Variants in BCR observed in about 807,000 individuals in gnomAD.
The protein encoded by BCR is breakpoint cluster region protein.
BCR carries 58 observed loss-of-function variants against 138.6 expected under a neutral mutation model. The ratio of observed to expected loss-of-function variants is 0.42; its 90% CI spans 0.34 to 0.52. BCR has a LOEUF of 0.52. BCR is among the 20% of genes least tolerant of loss of function. BCR has a pLI of 0.06. For missense variants in BCR, 1,599 were observed against 1,727.2 expected, an observed-to-expected ratio of 0.93 and a Z score of 1.32; for synonymous variants, 786 against 730.1, an observed-to-expected ratio of 1.08 and a Z score of -1.23.
intron 19 of BCR, chr22:23,312,052 C>A: frequency 2.2e-6 from 2 of 926,244 alleles, no homozygotes; most frequent in Non-Finnish European, 1.5e-6. Flanking sequence ...ATGCCACTTG[C>A]TGGGGTAGGC....
chr22:23,186,023 C>A (rs2072338874), intron 1 of BCR, among the ~76,000 whole-genome samples: 1 of 151,984 alleles, frequency 6.6e-6, no homozygotes, highest in Admixed American at 6.5e-5. Context: ...GCCACCCGCG[C>A]AAGGCGGATA....
chr22:23,239,630 T>C (rs527956184), intron 1 of BCR, among the ~76,000 whole-genome samples: 1 of 152,336 alleles, frequency 6.6e-6, no homozygotes, highest in Admixed American at 6.5e-5. Flanking sequence ...TAGTATGTTA[T>C]GGCTGCGTAA....
intron 1 of BCR, among the ~76,000 whole-genome samples, chr22:23,211,299 A>G (rs1400208486): frequency 1.3e-5 from 2 of 149,032 alleles, no homozygotes; most frequent in African/African-American, 2.5e-5. Flanking sequence ...CCGGGTTCAC[A>G]CCATTCTCCT....
chr22:23,253,677 G>C, intron 1 of BCR, 122 bp from the exon 2 acceptor site: 1 of 1,166,868 alleles, frequency 8.6e-7, no homozygotes, highest in Non-Finnish European at 1.2e-6. Context: ...CAGCATACCC[G>C]AGGTCGTTGT....
intron 2 of BCR, among the ~76,000 whole-genome samples, 200 bp downstream of exon 2, chr22:23,254,180 G>A (rs112376118): frequency 1.3e-4 from 20 of 152,130 alleles, no homozygotes; most frequent in African/African-American, 4.6e-4. Flanking sequence ...GAGATCGGGG[G>A]ATGCTTTGAA....
intron 4 of BCR, chr22:23,265,118 C>T (rs1472432641): frequency 6.6e-6 from 1 of 152,182 alleles, no homozygotes; most frequent in Non-Finnish European, 1.5e-5. Context: ...CGAAATCACT[C>T]AGAGACTTTT....
At chr22:23,236,114 G>A (rs1009364315) in intron 1 of BCR, among the ~76,000 whole-genome samples, 5 of 152,212 alleles carry the variant, frequency 3.3e-5, no homozygotes, top group South Asian at 4.1e-4. Context: ...GGCCTGGCTT[G>A]TTAACCCAGC....
chr22:23,263,163 G>A, intron 4 of BCR: 1 of 773,794 alleles, frequency 1.3e-6, no homozygotes, highest in South Asian at 1.8e-5. Context: ...GGAGGAGGAG[G>A]AGGAGGCGGC....
At chr22:23,251,873 A>G (rs906141248) in intron 1 of BCR, among the ~76,000 whole-genome samples, 2 of 152,138 alleles carry the variant, frequency 1.3e-5, no homozygotes, top group Non-Finnish European at 2.9e-5. Flanking sequence ...GGGCCAGAAG[A>G]TCCTTGTGGG....
At chr22:23,236,777 G>A (rs1165605578) in intron 1 of BCR, among the ~76,000 whole-genome samples, 1 of 152,246 alleles carries the variant, frequency 6.6e-6, no homozygotes, top group African/African-American at 2.4e-5. Flanking sequence ...GTAACTTTAG[G>A]CAGTCAGCTG....
chr22:23,306,830 G>T (rs1395367195), intron 16 of BCR: 1 of 152,518 alleles, frequency 6.6e-6, no homozygotes, highest in African/African-American at 2.4e-5. Flanking sequence ...GGCCTCCTTT[G>T]GTACTTCCAC....
rs908462871 is a variant in BCR at position 23,208,865 on chromosome 22, A to C, written c.1279+26626A>C. On this transcript the variant is annotated intron_variant, in intron 1 of 22. Coordinates refer to ENST00000305877, the MANE Select transcript of BCR (RefSeq NM_004327.4). ...GCGAGACTCCGTCTAAAAACAAACC[A>C]AAAAAAGCTTCTGGACTCATTAAAT... Among the ~76,000 whole-genome samples the C allele has an allele frequency of 3.3e-5, 5 of 151,998 alleles. No individual in the cohort carries two copies. In the East Asian group the frequency reaches 9.7e-4, roughly 29 times the overall value.
chr22:23,305,108 C>T (rs940102661), intron 16 of BCR, among the ~76,000 whole-genome samples: 5 of 118,862 alleles, frequency 4.2e-5, no homozygotes, highest in East Asian at 6.8e-4. Flanking sequence ...AGTGAGACTC[C>T]GCCTTAAAAA....
chr22:23,242,721 G>T, intron 1 of BCR: 1 of 344,536 alleles, frequency 2.9e-6, no homozygotes, highest in Non-Finnish European at 6.0e-6. Flanking sequence ...AGACTCCATG[G>T]CACCGAGTTC....
chr22:23,307,975 G>A (rs1485760231), intron 16 of BCR, among the ~76,000 whole-genome samples: 1 of 134,508 alleles, frequency 7.4e-6, no homozygotes, highest in African/African-American at 2.9e-5. Flanking sequence ...TGGAAATGAT[G>A]CCTGTCCTCA....
At chr22:23,263,369 C>T in intron 4 of BCR, 4 of 1,228,728 alleles carry the variant, frequency 3.3e-6, no homozygotes, top group South Asian at 1.3e-5. Flanking sequence ...ACTCCGGCTT[C>T]ACGCGGCTCG....
chr22:23,284,205 T>G (rs2073682893), intron 9 of BCR, 107 bp downstream of exon 9: 1 of 1,464,152 alleles, frequency 6.8e-7, no homozygotes, highest in Non-Finnish European at 9.1e-7. Flanking sequence ...CTCGTTACAT[T>G]CCGTTTCTAC....
At chr22:23,187,599 G>T (rs2072361847) in intron 1 of BCR, among the ~76,000 whole-genome samples, 1 of 151,528 alleles carries the variant, frequency 6.6e-6, no homozygotes, top group African/African-American at 2.4e-5. Flanking sequence ...CTCCCAAAGT[G>T]CTGGAATTAC....
At chr22:23,226,817 A>G (rs2072899606) in intron 1 of BCR, among the ~76,000 whole-genome samples, 1 of 152,234 alleles carries the variant, frequency 6.6e-6, no homozygotes, top group Admixed American at 6.5e-5. Context: ...AAATGGAGAG[A>G]CATGGAATAG....
Sources: gnomAD v4.1 joint callset for allele counts (sites outside exome capture counted in the v4.1 genomes callset) on GRCh38, gnomAD v4.1.1 for gene constraint, MANE v1.5 for transcripts, NCBI Gene and HGNC (gene_info 2026-07-23, HGNC 2026-07-21) for gene names.